CHD9: variants seen among roughly 807,000 people sequenced by gnomAD.
The protein encoded by CHD9 is ATP-dependent chromatin remodeler CHD9.
In CHD9, 77 loss-of-function variants were observed where a neutral mutation model predicts 316.1. The observed-to-expected ratio is 0.24, with a 90% CI of 0.20 to 0.29. The LOEUF is 0.29. Among genes scored for constraint, CHD9 ranks in the 10% least tolerant of loss-of-function variants. CHD9 has a pLI of 1.00. For missense variants in CHD9, 2,763 were observed against 3,438.1 expected (o/e 0.80, Z 4.91); for synonymous variants, 1,129 against 1,158.3 (o/e 0.97, Z 0.51).
At chr16:53,130,595 G>A (rs970913586) in intron 1 of CHD9, among the ~76,000 whole-genome samples, 2 of 150,976 alleles carry the variant, frequency 1.3e-5, no homozygotes, top group African/African-American at 2.4e-5. Flanking sequence ...TCCGGCCAGA[G>A]GGCGCCCGGC....
intron 22 of CHD9, among the ~76,000 whole-genome samples, chr16:53,269,174 A>G (rs953462245): frequency 6.6e-6 from 1 of 152,170 alleles, no homozygotes; most frequent in African/African-American, 2.4e-5. Context: ...TCTCAGAGGT[A>G]TACGCTAGTA....
In CHD9 at chr16:53,101,215, T is replaced by A. The variant is rs188283753; in HGVS notation, c.-165+46138T>A. ...AAAAGCAAGTTTATCATAAGATGGA[T>A]AAAAACCTGCTGACTGGAATAAATC... is the stretch of plus-strand genomic sequence containing the variant. On this transcript the variant is annotated intron_variant, in intron 1 of 38. Transcript: ENST00000447540. 1.3e-3 allele frequency among the ~76,000 whole-genome samples: 194 copies of A among 151,864 alleles called. No homozygotes were observed. In the East Asian group the frequency reaches 0.026, roughly 20 times the overall value.
chr16:53,320,000 A>T (rs1434773099), intron 37 of CHD9: 3 of 337,894 alleles, frequency 8.9e-6, no homozygotes, highest in Non-Finnish European at 1.3e-5. Flanking sequence ...ATACTTCTTT[A>T]AATATATTAT....
intron 1 of CHD9, among the ~76,000 whole-genome samples, chr16:53,133,411 G>T (rs2039479384): frequency 6.6e-6 from 1 of 151,936 alleles, no homozygotes; most frequent in Non-Finnish European, 1.5e-5. Flanking sequence ...GTCCAGCCTG[G>T]GCAACTTATT....
chr16:53,302,822 C>T (rs2055569646), intron 30 of CHD9, among the ~76,000 whole-genome samples: 1 of 152,186 alleles, frequency 6.6e-6, no homozygotes, highest in African/African-American at 2.4e-5. Flanking sequence ...TTGGTCCCTG[C>T]ATTGTTTCAG....
In CHD9 at chr16:53,267,915, T is replaced by C. The variant is rs1288776925; in HGVS notation, c.4518-12T>C. ...GACTCAATATCAATGTAACTATACC[T>C]TTTTTAACCAGGTGGGGCCGATGGA... is the stretch of plus-strand genomic sequence containing the variant. On this transcript the variant is annotated splice_polypyrimidine_tract_variant and intron_variant, in intron 21 of 38. Transcript: ENST00000447540. The C allele has an allele frequency of 1.9e-5, 30 of 1,609,866 alleles. No individual in the cohort carries two copies. The East Asian group carries it at 6.2e-4, about 34-fold the overall frequency.
At chr16:53,197,688 G>T (rs1169274595) in intron 2 of CHD9, among the ~76,000 whole-genome samples, 4 of 145,944 alleles carry the variant, frequency 2.7e-5, no homozygotes, top group Non-Finnish European at 6.0e-5. Flanking sequence ...ATGGAGTCTC[G>T]CTGTATCACC....
chr16:53,201,288 C>T (rs1275533138), intron 2 of CHD9, among the ~76,000 whole-genome samples: 2 of 152,326 alleles, frequency 1.3e-5, no homozygotes, highest in African/African-American at 2.4e-5. Context: ...AAAAGTACTG[C>T]ATACTAATGT....
At chr16:53,250,599 A>T (rs2050046209) in intron 17 of CHD9, 1 of 152,324 alleles carries the variant, frequency 6.6e-6, no homozygotes. Flanking sequence ...TTCTGATTTT[A>T]TCTTGTAATC....
In CHD9 at chr16:53,085,242, T is replaced by A. The variant is rs1232428717; in HGVS notation, c.-165+30165T>A. ...CCTTTGATCATCTTTTTTTTTTTTT[T>A]TTTTTTTATTTTTTTTAGAGATGAG... On this transcript the variant is annotated intron_variant, in intron 1 of 38. Coordinates refer to ENST00000447540, the MANE Select transcript of CHD9 (RefSeq NM_001308319.2). Among the ~76,000 whole-genome samples, 10 of 149,642 alleles carry A rather than the reference T, an allele frequency of 6.7e-5. 2 individuals carry two copies. The South Asian group carries it at 8.6e-4, about 13-fold the overall frequency.
chr16:53,180,282 C>A (rs190623751), intron 2 of CHD9, among the ~76,000 whole-genome samples: 7 of 152,210 alleles, frequency 4.6e-5, no homozygotes, highest in Admixed American at 1.3e-4. Context: ...GCTGAGATTA[C>A]AGACATGAGC....
In CHD9 at chr16:53,055,762, T is replaced by C. The variant is rs1302203433; in HGVS notation, c.-165+685T>C. Among the ~76,000 whole-genome samples the C allele has an allele frequency of 2.6e-5, 4 of 152,048 alleles. No individual in the cohort carries two copies. The East Asian group carries it at 7.7e-4, about 29-fold the overall frequency. On this transcript the variant is annotated intron_variant, in intron 1 of 38. Transcript: ENST00000447540. ...TGCCTTTGTACTGTCAAACCCAAGA[T>C]AACAAACTAACCATCCCCCACCCCC...
At chr16:53,162,766 G>A (rs1419011520) in intron 2 of CHD9, among the ~76,000 whole-genome samples, 1 of 150,570 alleles carries the variant, frequency 6.6e-6, no homozygotes. Flanking sequence ...AGATAGGTTT[G>A]AGCAGCACAT....
chr16:53,146,421 A>ATGTATG (rs1467849366), intron 1 of CHD9, among the ~76,000 whole-genome samples: 1 of 117,388 alleles, frequency 8.5e-6, no homozygotes, highest in African/African-American at 3.7e-5. Context: ...GTGTGTATGT[A>ATGTATG]TATATATATA....
At chr16:53,318,727 A>G (rs1028913917) in intron 37 of CHD9, among the ~76,000 whole-genome samples, 2 of 152,204 alleles carry the variant, frequency 1.3e-5, no homozygotes, top group South Asian at 4.1e-4. Flanking sequence ...TCTAGTGGGT[A>G]GAAGCCAGAG....
At chr16:53,267,270 G>A in intron 20 of CHD9, 24 bp from the exon 21 acceptor site, 2 of 1,523,726 alleles carry the variant, frequency 1.3e-6, no homozygotes, top group Non-Finnish European at 1.8e-6. Context: ...AGTACCTTCA[G>A]GTAATAGCAG....
At chr16:53,110,810 T>C (rs2037806536) in intron 1 of CHD9, among the ~76,000 whole-genome samples, 1 of 152,126 alleles carries the variant, frequency 6.6e-6, no homozygotes, top group African/African-American at 2.4e-5. Flanking sequence ...ATATTCTGAT[T>C]TTGAGATGCT....
intron 2 of CHD9, among the ~76,000 whole-genome samples, chr16:53,163,848 G>T (rs2042090178): frequency 1.3e-5 from 2 of 152,138 alleles, no homozygotes; most frequent in Admixed American, 1.3e-4. Flanking sequence ...AAGACATATA[G>T]CATTTACATT....
chr16:53,286,553 T>G (rs1357097175), intron 26 of CHD9, among the ~76,000 whole-genome samples: 1 of 152,200 alleles, frequency 6.6e-6, no homozygotes, highest in East Asian at 1.9e-4. Flanking sequence ...ACACCCATTC[T>G]TTTGATGAGT....
Sources: allele counts gnomAD v4.1 joint callset (sites outside exome capture counted in the v4.1 genomes callset), GRCh38; gene constraint gnomAD v4.1.1; transcripts MANE v1.5; gene names NCBI Gene and HGNC (gene_info 2026-07-23, HGNC 2026-07-21).